ASB3: variants seen among roughly 807,000 people sequenced by gnomAD.
ASB3 encodes ankyrin repeat and SOCS box containing 3, also known as ankyrin repeat and SOCS box protein 3.
A neutral mutation model predicts 54.5 loss-of-function variants in ASB3; 41 were observed. That is an observed-to-expected ratio of 0.75 (90% CI 0.59 to 0.98). The LOEUF (loss-of-function observed/expected upper bound fraction) is 0.98. Among genes scored for constraint, ASB3 ranks in the 50% least tolerant of loss-of-function variants. The pLI is 0.00. For synonymous variants in ASB3, 266 were observed against 221.2 expected (o/e 1.20, Z -1.80); for missense variants, 733 against 620.0 (o/e 1.18, Z -1.94).
intron 7 of ASB3, among the ~76,000 whole-genome samples, chr2:53,709,111 TC>T (rs1669950093): frequency 6.6e-6 from 1 of 152,172 alleles, no homozygotes; most frequent in African/African-American, 2.4e-5. Flanking sequence ...TCAGAGACCT[TC>T]CCAGCAGCCT....
intron 5 of ASB3, among the ~76,000 whole-genome samples, chr2:53,724,373 T>C (rs1410062610): frequency 6.6e-6 from 1 of 151,840 alleles, no homozygotes. Context: ...CCAAGGCGGG[T>C]GGATCACGAG....
intron 7 of ASB3, among the ~76,000 whole-genome samples, chr2:53,712,049 T>G (rs1400994145): frequency 6.6e-6 from 1 of 151,890 alleles, no homozygotes; most frequent in Admixed American, 6.6e-5. Context: ...CAAACCAAAC[T>G]GTGGAGTTCC....
At chr2:53,756,526 GT>G (rs1328562579) in intron 2 of ASB3, among the ~76,000 whole-genome samples, 1 of 152,184 alleles carries the variant, frequency 6.6e-6, no homozygotes, top group Non-Finnish European at 1.5e-5. Context: ...CCATGAAGAT[GT>G]TTCAGGAAGA....
chr2:53,698,605 T>C (rs1412839224), intron 8 of ASB3, among the ~76,000 whole-genome samples: 1 of 152,230 alleles, frequency 6.6e-6, no homozygotes. Flanking sequence ...CATAAAGTCC[T>C]TAGGCATAGA....
intron 9 of ASB3, among the ~76,000 whole-genome samples, chr2:53,682,955 G>C (rs1164690596): frequency 6.6e-6 from 1 of 152,054 alleles, no homozygotes; most frequent in Non-Finnish European, 1.5e-5. Flanking sequence ...TTCCAACTTG[G>C]ATGCCCTTTC....
intron 2 of ASB3, among the ~76,000 whole-genome samples, chr2:53,755,127 A>G (rs1254412257): frequency 6.6e-6 from 1 of 152,234 alleles, no homozygotes; most frequent in Non-Finnish European, 1.5e-5. Flanking sequence ...TGGGTATTAA[A>G]GACATTCTTA....
chr2:53,716,621 T>C lies in ASB3; in HGVS notation c.727A>G (p.Asn243Asp). Residue 243 changes from asparagine (N) to aspartate (D), a missense_variant, in exon 6 of 10, where the codon AAT becomes GAT. Asn to Asp is a conservative substitution (Grantham distance 23). Transcript: ENST00000263634. ...SSGADPDLYC[N>D]EDSWQLPIHA... is the part of the protein sequence containing the mutation. Reference sequence around the variant, plus strand: ...ATAGGTAACTGCCAACTGTCCTCATTACAGTAAAGATCAGGATCTGCCCCA... The same window carrying C: ...ATAGGTAACTGCCAACTGTCCTCATCACAGTAAAGATCAGGATCTGCCCCA... The C allele has an allele frequency of 6.2e-7, 1 of 1,614,188 alleles. No individual in the cohort carries two copies. Among genetic ancestry groups the C allele is most frequent in the Non-Finnish European group, 8.5e-7 (1 of 1,180,006 alleles).
intron 5 of ASB3, among the ~76,000 whole-genome samples, chr2:53,717,563 A>C (rs1275326187): frequency 6.6e-6 from 1 of 152,192 alleles, no homozygotes; most frequent in Admixed American, 6.5e-5. Flanking sequence ...GAAAATAATT[A>C]CAAAAATTAG....
At chr2:53,749,244 C>A (rs1672391816) in intron 3 of ASB3, among the ~76,000 whole-genome samples, 1 of 151,994 alleles carries the variant, frequency 6.6e-6, no homozygotes, top group South Asian at 2.1e-4. Context: ...ATAAAAACCA[C>A]AGTGAGATAC....
intron 9 of ASB3, among the ~76,000 whole-genome samples, chr2:53,671,353 CGTGTGTGTGTGT>C (rs142473697): frequency 6.3e-4 from 90 of 142,602 alleles, no homozygotes; most frequent in Middle Eastern, 3.6e-3. Flanking sequence ...GAACCCAAAG[CGTGTGTGTGTGT>C]GTGTGTGTGT....
chr2:53,743,801 G>C lies in ASB3; in HGVS notation c.355+6982C>G, dbSNP rs558975278. On this transcript the variant is annotated intron_variant, in intron 3 of 9. Coordinates refer to ENST00000263634, the MANE Select transcript of ASB3 (RefSeq NM_016115.5). ...CTCACTCCTGTAATCCCAGTTCTTC[G>C]GGAGGCCGAGGCAGGCGGATCACTT... Among the ~76,000 whole-genome samples the C allele has an allele frequency of 2.1e-3, 317 of 152,304 alleles. 3 individuals are homozygous for C. Among genetic ancestry groups the C allele is most frequent in the Non-Finnish European group, 3.6e-3 (245 of 68,026 alleles).
chr2:53,675,643 G>C (rs1226951324), intron 9 of ASB3, among the ~76,000 whole-genome samples: 1 of 152,028 alleles, frequency 6.6e-6, no homozygotes, highest in Non-Finnish European at 1.5e-5. Flanking sequence ...AAATTCATCT[G>C]GTAAATTTCT....
intron 3 of ASB3, among the ~76,000 whole-genome samples, chr2:53,750,382 T>C (rs1257265650): frequency 6.6e-6 from 1 of 152,132 alleles, no homozygotes; most frequent in African/African-American, 2.4e-5. Flanking sequence ...CATTAAAGTA[T>C]TAGCTGGTGA....
At chr2:53,694,091 C>T (rs988958337) in intron 8 of ASB3, 77 bp from the exon 9 acceptor site, 2 of 1,511,238 alleles carry the variant, frequency 1.3e-6, no homozygotes, top group Non-Finnish European at 1.8e-6. Flanking sequence ...ACACCACATA[C>T]CTATTCTTAC....
chr2:53,774,559 T>G (rs1236301703), intron 1 of ASB3: 1 of 1,427,282 alleles, frequency 7.0e-7, no homozygotes, highest in South Asian at 1.5e-5. Flanking sequence ...CAGTGCACAA[T>G]GACAATATGA....
At chr2:53,750,545 G>A (rs1016220447) in intron 3 of ASB3, among the ~76,000 whole-genome samples, 3 of 152,036 alleles carry the variant, frequency 2.0e-5, no homozygotes, top group Non-Finnish European at 4.4e-5. Context: ...CCTACAATTC[G>A]AAACAGATTT....
At chr2:53,712,762 A>T (rs979646870) in intron 7 of ASB3, among the ~76,000 whole-genome samples, 1 of 152,212 alleles carries the variant, frequency 6.6e-6, no homozygotes, top group African/African-American at 2.4e-5. Flanking sequence ...ACACACACAC[A>T]CACACAGGCG....
chr2:53,767,714 A>T, intron 1 of ASB3: 1 of 716,868 alleles, frequency 1.4e-6, no homozygotes, highest in Non-Finnish European at 2.3e-6. Flanking sequence ...AAGCTGACTG[A>T]GATCCGCTCG....
chr2:53,740,227 T>C (rs1671860209), intron 3 of ASB3, among the ~76,000 whole-genome samples: 2 of 152,382 alleles, frequency 1.3e-5, no homozygotes, highest in African/African-American at 4.8e-5. Context: ...TTCTATACAA[T>C]TGAACAGTAA....
Sources: gnomAD v4.1 joint callset for allele counts (sites outside exome capture counted in the v4.1 genomes callset) on GRCh38, gnomAD v4.1.1 for gene constraint, MANE v1.5 for transcripts, NCBI Gene and HGNC (gene_info 2026-07-23, HGNC 2026-07-21) for gene names.